DNAJC9: variants seen among roughly 807,000 people sequenced by gnomAD.
DNAJC9 encodes dnaJ homolog subfamily C member 9.
A neutral mutation model predicts 32.4 loss-of-function variants in DNAJC9; 18 were observed. The observed-to-expected ratio is 0.56, with a 90% CI of 0.38 to 0.82. DNAJC9 has a LOEUF of 0.82. Ranked by LOEUF, DNAJC9 falls within the 40% of genes least tolerant of loss-of-function variation. The pLI is 0.00. For missense variants in DNAJC9, 310 were observed against 321.8 expected (o/e 0.96, Z 0.28); for synonymous variants, 113 against 122.1 (o/e 0.93, Z 0.49).
chr10:73,243,966 G>T, intron 3 of DNAJC9, 37 bp from the exon 4 acceptor site: 1 of 1,554,606 alleles, frequency 6.4e-7, no homozygotes, highest in Non-Finnish European at 8.8e-7. Flanking sequence ...AGGGCCACCA[G>T]GAAATGCTTA....
At chr10:73,232,907 A>T in intron 2 of DNAJC9, 1 of 1,260,388 alleles carries the variant, frequency 7.9e-7, no homozygotes. Context: ...ACTGATCTTT[A>T]CTTCATTGTG....
downstream of DNAJC9, chr10:73,235,065 A>T: frequency 3.4e-6 from 5 of 1,453,908 alleles, no homozygotes; most frequent in South Asian, 6.7e-5. Flanking sequence ...ACACAGTGCT[A>T]ATTTATGACG....
intron 3 of DNAJC9, chr10:73,244,241 A>C: frequency 3.4e-6 from 1 of 296,364 alleles, no homozygotes; most frequent in South Asian, 4.0e-5. Flanking sequence ...CACAACTGTA[A>C]TCCCCATACC....
chr10:73,243,379 C>A lies in DNAJC9; in HGVS notation c.*21G>T. 6.2e-7 allele frequency: 1 copy of A among 1,612,204 alleles called. No individual in the cohort carries two copies. Among genetic ancestry groups the A allele is most frequent in the Non-Finnish European group, 8.5e-7 (1 of 1,179,728 alleles). On this transcript the variant is annotated 3_prime_UTR_variant, in exon 5 of 5. Transcript: ENST00000372950. ...GATGGCATCAATTTACACCTAAGGA[C>A]CTTTGAAGAGAAAAATTCCATTATT...
chr10:73,235,221 A>C, downstream of DNAJC9: 1 of 1,551,756 alleles, frequency 6.4e-7, no homozygotes, highest in Non-Finnish European at 8.7e-7. Context: ...AGTCGAGCTC[A>C]AAGTGCGGTG....
rs777144085 is a variant in DNAJC9 at position 73,246,191 on chromosome 10, G to C, written c.322-15C>G. ...TCTAAAGATATCTGATGATAAAGGA[G>C]ATTTGCTTTAACTTTGGGAATTTTA... On this transcript the variant is annotated splice_polypyrimidine_tract_variant and intron_variant, in intron 2 of 4. Coordinates refer to ENST00000372950, the MANE Select transcript of DNAJC9 (RefSeq NM_015190.5). 1 of 1,588,944 alleles carries C rather than the reference G, an allele frequency of 6.3e-7. No individual in the cohort carries two copies. Among genetic ancestry groups the C allele is most frequent in the Non-Finnish European group, 8.5e-7 (1 of 1,174,228 alleles).
At chr10:73,233,020 G>C (rs1207130873) in intron 2 of DNAJC9, 1 of 1,551,712 alleles carries the variant, frequency 6.4e-7, no homozygotes, top group Non-Finnish European at 8.7e-7. Flanking sequence ...GAGCTGTGGA[G>C]TTTAGTACAT....
chr10:73,240,828 C>T, downstream of DNAJC9: 1 of 653,734 alleles, frequency 1.5e-6, no homozygotes, highest in Non-Finnish European at 2.7e-6. Context: ...TAGTTTACTG[C>T]TTTCATACCT....
chr10:73,243,707 T>C (rs1195750746), intron 4 of DNAJC9, 136 bp downstream of exon 4: 2 of 1,094,878 alleles, frequency 1.8e-6, no homozygotes, highest in Non-Finnish European at 2.6e-6. Flanking sequence ...AACCACCAAA[T>C]TGTACACTTT....
At chr10:73,240,687 TG>T (rs369444900), downstream of DNAJC9, among the ~76,000 whole-genome samples, 1 of 142,570 alleles carries the variant, frequency 7.0e-6, no homozygotes, top group Non-Finnish European at 1.5e-5. Context: ...ACCTCCAGCC[TG>T]GGGGGACAGA....
At position 73,243,491 on chromosome 10, in the gene DNAJC9, A is replaced by G. The variant is rs138431351; in HGVS notation, c.692T>C (p.Met231Thr). Residue 231 changes from methionine to threonine, a missense_variant, in exon 5 of 5, where the codon ATG becomes ACG. Met to Thr is a moderately conservative substitution (Grantham distance 81). Coordinates refer to ENST00000372950, the MANE Select transcript of DNAJC9 (RefSeq NM_015190.5). Reference sequence around the variant, plus strand: ...TTCCATCTGAGCCAGAAAATTGTCCATTTCCTTTTGCCGATCCTTTTGTCT... The same window carrying G: ...TTCCATCTGAGCCAGAAAATTGTCCGTTTCCTTTTGCCGATCCTTTTGTCT... ...QSRQKDRQKEMDNFLAQMEAK... is the reference protein window; with the variant it reads ...QSRQKDRQKETDNFLAQMEAK... The G allele has an allele frequency of 2.1e-5, 34 of 1,614,096 alleles. No homozygotes were observed. The highest frequency in any genetic ancestry group is 1.6e-4 in the Middle Eastern group (1 of 6,062).
At position 73,245,793 on chromosome 10, in the gene DNAJC9, CG is replaced by C. The variant is rs1329069528; in HGVS notation, c.576+128del. 4.3e-6 allele frequency: 5 copies of C among 1,174,084 alleles called. No homozygotes were observed. The African/African-American group carries it at 7.8e-5, about 18-fold the overall frequency. 72.7% of individuals were successfully genotyped at this position (1,174,084 alleles called of 1,614,324 possible). ...AACTGGTATGCCCATTTTATTAGATCGAAACTATAGACCAAGTTAACCCTAG... is the reference window on the plus strand; with the variant it reads ...AACTGGTATGCCCATTTTATTAGATCAAACTATAGACCAAGTTAACCCTAG... On this transcript the variant is annotated intron_variant, in intron 3 of 4. Transcript: ENST00000372950.
Position 73,246,837 on chromosome 10 carries a change from A to C in DNAJC9, c.181-9T>G. 1 of 1,613,790 alleles carries C rather than the reference A, an allele frequency of 6.2e-7. No homozygotes were observed. Among genetic ancestry groups the C allele is most frequent in the Non-Finnish European group, 8.5e-7 (1 of 1,179,968 alleles). Reference sequence around the variant, plus strand: ...TAGACTTTTCCCAGGATCTGAGGGCAAAGAGTATCCGTAAATCACCCCTGC... The same window carrying C: ...TAGACTTTTCCCAGGATCTGAGGGCCAAGAGTATCCGTAAATCACCCCTGC... On this transcript the variant is annotated splice_polypyrimidine_tract_variant and intron_variant, in intron 1 of 4. Coordinates refer to ENST00000372950, the MANE Select transcript of DNAJC9 (RefSeq NM_015190.5).
chr10:73,243,705 A>T, intron 4 of DNAJC9, 138 bp downstream of exon 4: 1 of 1,103,980 alleles, frequency 9.1e-7, no homozygotes, highest in Non-Finnish European at 1.3e-6. Context: ...AAAACCACCA[A>T]ATTGTACACT....
chr10:73,233,102 A>G (rs753294444), intron 2 of DNAJC9: 6 of 1,551,746 alleles, frequency 3.9e-6, no homozygotes, highest in Non-Finnish European at 4.4e-6. Flanking sequence ...TCCGATCAGC[A>G]CGAGCCATTC....
intron 3 of DNAJC9, chr10:73,244,562 C>A (rs982590902): frequency 6.6e-6 from 1 of 151,258 alleles, no homozygotes; most frequent in Admixed American, 6.6e-5. Flanking sequence ...TTTCCAATTT[C>A]TCTCCTGGAA....
intron 3 of DNAJC9, among the ~76,000 whole-genome samples, chr10:73,245,664 C>T (rs1010843845): frequency 6.6e-6 from 1 of 152,056 alleles, no homozygotes; most frequent in Admixed American, 6.5e-5. Context: ...AATTGGCCTA[C>T]ATGAAAAAAT....
chr10:73,246,750 C>T lies in DNAJC9; in HGVS notation c.259G>A (p.Asp87Asn). The T allele has an allele frequency of 6.2e-7, 1 of 1,614,100 alleles. No homozygotes were observed. Among genetic ancestry groups the T allele is most frequent in the South Asian group, 1.1e-5 (1 of 91,080 alleles). Residue 87 changes from aspartate to asparagine, a missense_variant, in exon 2 of 5, where the codon GAC (aspartate) becomes AAC (asparagine). Coordinates refer to ENST00000372950, the MANE Select transcript of DNAJC9 (RefSeq NM_015190.5). ...CGGTCTTGGGTGAGCACAGGAGAGT[C>T]CTCGTCCACTGTTCCCTGCTCATCG... The part of the protein sequence containing the change: ...VYDEQGTVDE[D>N]SPVLTQDRDW...
At chr10:73,239,618 T>C (rs1055255018), downstream of DNAJC9, among the ~76,000 whole-genome samples, 1 of 151,920 alleles carries the variant, frequency 6.6e-6, no homozygotes, top group African/African-American at 2.4e-5. Flanking sequence ...CTTCATACCA[T>C]GTAAATTAAC....
Sources: gnomAD v4.1 joint callset for allele counts (sites outside exome capture counted in the v4.1 genomes callset) on GRCh38, gnomAD v4.1.1 for gene constraint, MANE v1.5 for transcripts, NCBI Gene and HGNC (gene_info 2026-07-23, HGNC 2026-07-21) for gene names.